Variants in XRN1 observed in about 807,000 individuals in gnomAD.
The protein encoded by XRN1 is strand-exchange protein 1 homolog.
A neutral mutation model predicts 222.3 loss-of-function variants in XRN1; 67 were observed. That is an observed-to-expected ratio of 0.30 (90% CI 0.25 to 0.37). The LOEUF (loss-of-function observed/expected upper bound fraction) is 0.37, where lower values mean the gene tolerates loss of function less well. Ranked by LOEUF, XRN1 falls within the 10% of genes least tolerant of loss-of-function variation. The pLI is 1.00. For missense variants in XRN1, 1,707 were observed against 2,000.2 expected (o/e 0.85, Z 2.80); for synonymous variants, 643 against 652.4 (o/e 0.99, Z 0.22).
chr3:142,418,926 C>T (rs2068897225), intron 10 of XRN1, 45 bp from the exon 11 acceptor site: 3 of 1,555,080 alleles, frequency 1.9e-6, no homozygotes, highest in Non-Finnish European at 2.7e-6. Flanking sequence ...AGATACATTT[C>T]AAAATGAGAT....
chr3:142,312,290 A>T (rs1415799239), intron 40 of XRN1, among the ~76,000 whole-genome samples: 1 of 152,038 alleles, frequency 6.6e-6, no homozygotes, highest in Non-Finnish European at 1.5e-5. Context: ...AAAAAAATGA[A>T]TAATAATAAT....
In XRN1 at chr3:142,380,141, G is replaced by A; in HGVS notation, c.2656C>T (p.Arg886Cys). The A allele has an allele frequency of 6.2e-7, 1 of 1,613,770 alleles. No individual in the cohort carries two copies. Among genetic ancestry groups the A allele is most frequent in the Non-Finnish European group, 8.5e-7 (1 of 1,179,884 alleles). Residue 886 changes from arginine to cysteine, a missense_variant, in exon 23 of 41, where the codon CGT (arginine) becomes TGT (cysteine). Physicochemically the swap from Arg to Cys is radical, Grantham distance 180. Around this residue, in one of 2 missense-constraint regions of XRN1, gnomAD observed 1,234 missense variants for 1,518.2 expected, o/e 0.81. Transcript: ENST00000392981. Reference protein sequence around the residue: ...SGDVITEGRIRVIFSIPCEPN... With the variant: ...SGDVITEGRICVIFSIPCEPN... The stretch of plus-strand genomic sequence containing the variant: ...TCACATGGAATGCTGAAAATCACAC[G>A]AATCCTACCTTCTGTAATCACATCA...
rs1204123663 is a variant in XRN1 at position 142,380,140 on chromosome 3, C to G, written c.2657G>C (p.Arg886Pro). ...TTCACATGGAATGCTGAAAATCACA[C>G]GAATCCTACCTTCTGTAATCACATC... Reference protein sequence around the residue: ...SGDVITEGRIRVIFSIPCEPN... With the variant: ...SGDVITEGRIPVIFSIPCEPN... The change falls in exon 23 of 41, where the codon CGT (arginine) becomes CCT (proline). Residue 886 changes from arginine to proline, a missense_variant. Coordinates refer to ENST00000392981, the MANE Select transcript of XRN1 (RefSeq NM_001282857.2). 1 of 1,613,848 alleles carries G rather than the reference C, an allele frequency of 6.2e-7. No individual in the cohort carries two copies. Among genetic ancestry groups the G allele is most frequent in the Non-Finnish European group, 8.5e-7 (1 of 1,179,904 alleles).
intron 29 of XRN1, among the ~76,000 whole-genome samples, chr3:142,364,216 C>T (rs1190298242): frequency 6.6e-6 from 1 of 152,184 alleles, no homozygotes; most frequent in Non-Finnish European, 1.5e-5. Context: ...GCTAGTGGCC[C>T]GTCTGTTCTT....
At chr3:142,314,606 A>G (rs1232358672) in intron 39 of XRN1, among the ~76,000 whole-genome samples, 2 of 152,050 alleles carry the variant, frequency 1.3e-5, no homozygotes, top group African/African-American at 4.8e-5. Context: ...TGAAAACTTT[A>G]TGACTAAAAC....
At chr3:142,323,373 G>C (rs926271103) in intron 37 of XRN1, among the ~76,000 whole-genome samples, 2 of 151,146 alleles carry the variant, frequency 1.3e-5, no homozygotes, top group Non-Finnish European at 2.9e-5. Context: ...GTAGAGATGG[G>C]GTTTCACCAC....
In XRN1 at chr3:142,311,614, T is replaced by C. The variant is rs1468858790; in HGVS notation, c.4982A>G (p.Gln1661Arg). 2.5e-6 allele frequency: 4 copies of C among 1,614,124 alleles called. No individual in the cohort carries two copies. In the Admixed American group the frequency reaches 5.0e-5, roughly 20 times the overall value. The part of the protein sequence containing the change: ...ASSFQVETAS[Q>R]GHSISHHKST... ...CTTATGGTGAGATATACTATGGCCT[T>C]GAGAGGCAGTTTCAACTTGAAAAGA... The change falls in exon 41 of 41, where the codon CAA (glutamine) becomes CGA (arginine). Residue 1661 changes from glutamine to arginine, a missense_variant. Gln to Arg is a conservative substitution (Grantham distance 43, BLOSUM62 1). Coordinates refer to ENST00000392981, the MANE Select transcript of XRN1 (RefSeq NM_001282857.2).
chr3:142,389,721 T>C (rs760326640), intron 20 of XRN1, among the ~76,000 whole-genome samples: 58 of 152,218 alleles, frequency 3.8e-4, no homozygotes, highest in Non-Finnish European at 8.5e-4. Flanking sequence ...TGTTTCATCA[T>C]GTTGGCCAGG....
intron 9 of XRN1, 114 bp from the exon 10 acceptor site, chr3:142,421,267 T>A: frequency 9.2e-7 from 1 of 1,082,060 alleles, no homozygotes; most frequent in Non-Finnish European, 1.3e-6. Context: ...AGAATGTTAC[T>A]CTTTTATATA....
chr3:142,340,937 C>G (rs2065975325), intron 33 of XRN1, among the ~76,000 whole-genome samples: 1 of 152,014 alleles, frequency 6.6e-6, no homozygotes, highest in South Asian at 2.1e-4. Context: ...GTACTTTATT[C>G]AGAAAGCAAA....
In XRN1 at chr3:142,432,790, A is replaced by G. The variant is rs769087683; in HGVS notation, c.179T>C (p.Ile60Thr). ...DVHFRISDDK[I>T]FTDIFHYLEV... ...CAGGTAGTGAAAAATATCAGTAAAG[A>G]TTTTATCATCTGAAATTCTAAAGTG... The change falls in exon 2 of 41, where the codon ATC becomes ACC. Residue 60 changes from isoleucine to threonine, a missense_variant. Physicochemically the swap from Ile to Thr is moderately conservative, Grantham distance 89. Transcript: ENST00000392981. 1.2e-6 allele frequency: 2 copies of G among 1,614,042 alleles called. No individual in the cohort carries two copies. The highest frequency in any genetic ancestry group is 2.2e-5 in the South Asian group (2 of 91,080).
chr3:142,364,238 G>A (rs2107860159), intron 29 of XRN1, among the ~76,000 whole-genome samples: 1 of 152,292 alleles, frequency 6.6e-6, no homozygotes, highest in Middle Eastern at 3.4e-3. Flanking sequence ...CTACTTTTGG[G>A]ATAGTGAGAC....
chr3:142,402,381 C>CCA (rs2068176353), intron 18 of XRN1, among the ~76,000 whole-genome samples: 1 of 152,034 alleles, frequency 6.6e-6, no homozygotes, highest in African/African-American at 2.4e-5. Flanking sequence ...TGGGGTTTCA[C>CCA]CATGTTGGCC....
chr3:142,317,262 T>C (rs946281994), intron 39 of XRN1, among the ~76,000 whole-genome samples: 13 of 152,018 alleles, frequency 8.6e-5, no homozygotes, highest in African/African-American at 3.1e-4. Context: ...TTTTGACACT[T>C]ACCTCCTTTC....
chr3:142,357,037 G>C lies in XRN1; in HGVS notation c.3547C>G (p.Gln1183Glu), dbSNP rs1207498853. The change falls in exon 31 of 41, where the codon CAG (glutamine) becomes GAG (glutamate). Residue 1183 changes from glutamine (Q) to glutamate (E), a missense_variant. Gln to Glu is a conservative substitution (Grantham distance 29, BLOSUM62 2). This residue lies in a region of XRN1 where 1,234 missense variants were observed against 1,518.2 expected (regional missense o/e 0.81). Transcript: ENST00000392981. ...SHGSRSETGN[Q>E]KLTAIVKPQP... is the part of the protein sequence containing the mutation. ...GGTTTTACGATGGCTGTCAACTTCT[G>C]ATTTCCAGTTTCAGAGCGACTCCCA... is the stretch of plus-strand genomic sequence containing the variant. The C allele has an allele frequency of 6.2e-7, 1 of 1,613,824 alleles. No homozygotes were observed. The highest frequency in any genetic ancestry group is 8.5e-7 in the Non-Finnish European group (1 of 1,179,962).
At chr3:142,315,936 G>A (rs1320621827) in intron 39 of XRN1, among the ~76,000 whole-genome samples, 1 of 152,080 alleles carries the variant, frequency 6.6e-6, no homozygotes, top group Non-Finnish European at 1.5e-5. Flanking sequence ...ATTAATTTTA[G>A]GCATTTTTAG....
At chr3:142,370,762 A>C in intron 26 of XRN1, 142 bp from the exon 27 acceptor site, 1 of 609,780 alleles carries the variant, frequency 1.6e-6, no homozygotes, top group Non-Finnish European at 2.6e-6. Flanking sequence ...AAATATGGAC[A>C]TGTTACCTCT....
chr3:142,409,829 G>A (rs967917837), intron 15 of XRN1, among the ~76,000 whole-genome samples: 3 of 152,094 alleles, frequency 2.0e-5, no homozygotes, highest in Non-Finnish European at 2.9e-5. Context: ...CTCTTTCAAG[G>A]TAGAGGGCTT....
rs540123654 is a variant in XRN1 at position 142,356,877 on chromosome 3, G to C, written c.3672+35C>G. On this transcript the variant is annotated intron_variant, in intron 31 of 40. Transcript: ENST00000392981. ...CTGCTGTGATTTGTGATTTGTAAAA[G>C]GGGTAGAGGAGAAGTTAAAGACTGA... The C allele has an allele frequency of 5.7e-6, 9 of 1,577,412 alleles. No homozygotes were observed. The East Asian group carries it at 9.0e-5, about 16-fold the overall frequency.
Sources: gnomAD v4.1 joint callset for allele counts (sites outside exome capture counted in the v4.1 genomes callset) on GRCh38, gnomAD v4.1.1 for gene constraint, gnomAD v4.1.1 regional missense constraint, MANE v1.5 for transcripts, NCBI Gene and HGNC (gene_info 2026-07-23, HGNC 2026-07-21) for gene names.